CYB5R3: variants seen among roughly 807,000 people sequenced by gnomAD.
CYB5R3 encodes cytochrome b5 reductase 3.
Under a neutral mutation model 36.5 loss-of-function variants are expected in CYB5R3, and 28 were observed. That is an observed-to-expected ratio of 0.77 (90% CI 0.57 to 1.05). The LOEUF is 1.05. Among genes scored for constraint, CYB5R3 ranks in the 50% least tolerant of loss-of-function variants. CYB5R3 has a pLI of 0.00. For synonymous variants in CYB5R3, 181 were observed against 159.8 expected, an observed-to-expected ratio of 1.13 and a Z score of -1.00; for missense variants, 474 against 408.9, an observed-to-expected ratio of 1.16 and a Z score of -1.37.
chr22:42,648,931 C>T (rs746547004), intron 1 of CYB5R3, among the ~76,000 whole-genome samples: 2 of 152,182 alleles, frequency 1.3e-5, no homozygotes, highest in African/African-American at 2.4e-5. Flanking sequence ...GCCATTCACA[C>T]GCTCGCTCAC....
chr22:42,627,543 C>T, intron 6 of CYB5R3, 62 bp downstream of exon 6: 1 of 1,544,028 alleles, frequency 6.5e-7, no homozygotes. Context: ...TGCGCCTCAC[C>T]CACACCCCAA....
rs1245628631 is a variant in CYB5R3 at position 42,637,602 on chromosome 22, C to T, written c.22-756G>A. ...CGAGAAAGTCCCTTCCCCTCTCAACCTGAGTGGACCAGGTGATCTGCAAGG... is the reference window on the plus strand; with the variant it reads ...CGAGAAAGTCCCTTCCCCTCTCAACTTGAGTGGACCAGGTGATCTGCAAGG... On this transcript the variant is annotated intron_variant, in intron 1 of 8. Coordinates refer to ENST00000352397, the MANE Select transcript of CYB5R3 (RefSeq NM_000398.7). Among the ~76,000 whole-genome samples the T allele has an allele frequency of 3.3e-5, 5 of 152,270 alleles. No individual in the cohort carries two copies. In the East Asian group the frequency reaches 9.6e-4, roughly 29 times the overall value.
At chr22:42,623,940 T>C in intron 7 of CYB5R3, 52 bp from the exon 8 acceptor site, 1 of 1,498,324 alleles carries the variant, frequency 6.7e-7, no homozygotes, top group Non-Finnish European at 9.3e-7. Context: ...AGACTGCCCC[T>C]GGAGACACTC....
intron 2 of CYB5R3, chr22:42,632,874 A>G (rs1485371663): frequency 6.6e-6 from 1 of 151,852 alleles, no homozygotes; most frequent in East Asian, 1.9e-4. Flanking sequence ...TAAAACTACA[A>G]TGTTAGCCAG....
At chr22:42,635,455 G>A (rs1159750571) in intron 2 of CYB5R3, among the ~76,000 whole-genome samples, 1 of 151,266 alleles carries the variant, frequency 6.6e-6, no homozygotes, top group African/African-American at 2.4e-5. Flanking sequence ...GGCCAGGCTG[G>A]TCTTGAACTC....
intron 1 of CYB5R3, chr22:42,644,438 T>C (rs770805134): frequency 7.9e-6 from 6 of 760,936 alleles, no homozygotes; most frequent in African/African-American, 6.9e-5. Flanking sequence ...GCTTCAGGCG[T>C]TCGCATATGC....
chr22:42,630,805 G>C (rs1239272289), intron 4 of CYB5R3, 77 bp downstream of exon 4: 1 of 1,282,878 alleles, frequency 7.8e-7, no homozygotes, highest in African/African-American at 1.5e-5. Flanking sequence ...AGACTTCCCT[G>C]TCCAGGGGGT....
chr22:42,636,098 C>T (rs1928874688), intron 2 of CYB5R3, among the ~76,000 whole-genome samples: 1 of 152,062 alleles, frequency 6.6e-6, no homozygotes, highest in Admixed American at 6.5e-5. Flanking sequence ...CGCCTGTAAT[C>T]GCAGCTACTC....
At chr22:42,641,014 T>C (rs964401525) in intron 1 of CYB5R3, among the ~76,000 whole-genome samples, 8 of 145,774 alleles carry the variant, frequency 5.5e-5, no homozygotes, top group African/African-American at 2.0e-4. Context: ...ACGTCACCAC[T>C]CCTGGCTCAT....
At chr22:42,640,831 A>G (rs1328258331) in intron 1 of CYB5R3, among the ~76,000 whole-genome samples, 1 of 151,944 alleles carries the variant, frequency 6.6e-6, no homozygotes, top group Non-Finnish European at 1.5e-5. Context: ...AATAGTAAAT[A>G]TGTTTTCTCT....
chr22:42,636,521 G>A (rs1928899918), intron 2 of CYB5R3, among the ~76,000 whole-genome samples, 194 bp downstream of exon 2: 1 of 152,216 alleles, frequency 6.6e-6, no homozygotes, highest in African/African-American at 2.4e-5. Flanking sequence ...GGGGCTCTGT[G>A]GACAGAGAGA....
chr22:42,645,149 G>C (rs1929479708), intron 1 of CYB5R3, among the ~76,000 whole-genome samples: 1 of 152,102 alleles, frequency 6.6e-6, no homozygotes, highest in South Asian at 2.1e-4. Context: ...CCGAATGCTG[G>C]CCTCCAACCC....
chr22:42,639,099 G>T, intron 1 of CYB5R3: 1 of 422,202 alleles, frequency 2.4e-6, no homozygotes, highest in Non-Finnish European at 4.7e-6. Flanking sequence ...GGAGCCCAAG[G>T]CAGGCAGATT....
chr22:42,636,827 A>C lies in CYB5R3; in HGVS notation c.41T>G (p.Phe14Cys). Residue 14 changes from phenylalanine (F) to cysteine (C), a missense_variant, in exon 2 of 9, where the codon TTC becomes TGC. Phe to Cys is a radical substitution (Grantham distance 205, BLOSUM62 -2). Coordinates refer to ENST00000352397, the MANE Select transcript of CYB5R3 (RefSeq NM_000398.7). Reference protein sequence around the residue: ...QLSTLGHMVLFPVWFLYSLLM... With the variant: ...QLSTLGHMVLCPVWFLYSLLM... ...CAGACTGTACAGGAACCAGACTGGGAAGAGCACCATATGGCCCAACTGAAA... is the reference window on the plus strand; with the variant it reads ...CAGACTGTACAGGAACCAGACTGGGCAGAGCACCATATGGCCCAACTGAAA... 1 of 1,613,814 alleles carries C rather than the reference A, an allele frequency of 6.2e-7. No individual in the cohort carries two copies.
rs912790326 is a variant in CYB5R3, at chr22:42,619,663, A to G, written c.*110T>C. 25 of 1,057,154 alleles carry G rather than the reference A, an allele frequency of 2.4e-5. No homozygotes were observed. Among genetic ancestry groups the G allele is most frequent in the Admixed American group, 6.6e-5 (3 of 45,118 alleles). 65.5% of individuals were successfully genotyped at this position (1,057,154 alleles called of 1,614,324 possible). A position where few individuals can be genotyped will look rare whatever the true frequency, so the allele number is the denominator to read the frequency against. ...CCAGGTGATTCACCAGGGCACGGGC[A>G]GGCCAGGCTGAACCCGGGGCCCCAG... On this transcript the variant is annotated 3_prime_UTR_variant, in exon 9 of 9. Transcript: ENST00000352397.
At chr22:42,622,971 C>T (rs1001924057) in intron 8 of CYB5R3, among the ~76,000 whole-genome samples, 1 of 152,252 alleles carries the variant, frequency 6.6e-6, no homozygotes, top group African/African-American at 2.4e-5. Context: ...GCCCTGGCCA[C>T]ACAGGGCTAT....
chr22:42,625,133 C>T (rs923949697), intron 7 of CYB5R3, among the ~76,000 whole-genome samples: 7 of 152,122 alleles, frequency 4.6e-5, no homozygotes, highest in African/African-American at 1.7e-4. Context: ...AGAAAAAGTA[C>T]CTGAAACCCT....
intron 7 of CYB5R3, 24 bp downstream of exon 7, chr22:42,627,280 C>T: frequency 1.2e-6 from 2 of 1,607,822 alleles, no homozygotes; most frequent in Non-Finnish European, 1.7e-6. Flanking sequence ...GCTGAGTTTC[C>T]CCATCATGGG....
chr22:42,625,638 T>C (rs1013858850), intron 7 of CYB5R3, among the ~76,000 whole-genome samples: 7 of 151,976 alleles, frequency 4.6e-5, no homozygotes, highest in African/African-American at 1.7e-4. Context: ...GGATGGAACC[T>C]TGGGGGGCTG....
Sources: allele counts gnomAD v4.1 joint callset (sites outside exome capture counted in the v4.1 genomes callset), GRCh38; gene constraint gnomAD v4.1.1; transcripts MANE v1.5; gene names NCBI Gene and HGNC (gene_info 2026-07-23, HGNC 2026-07-21).